PALLD: variants seen among roughly 807,000 people sequenced by gnomAD.
The protein encoded by PALLD is palladin.
In PALLD, 61 loss-of-function variants were observed where a neutral mutation model predicts 123.5. The ratio of observed to expected loss-of-function variants is 0.49; its 90% CI spans 0.40 to 0.61. PALLD has a LOEUF of 0.61. Among genes scored for constraint, PALLD ranks in the 20% least tolerant of loss-of-function variants. The pLI, the probability that PALLD is intolerant of heterozygous loss-of-function variation, is 0.00. For synonymous variants in PALLD, 465 were observed against 496.4 expected, an observed-to-expected ratio of 0.94 and a Z score of 0.84; for missense variants, 1,273 against 1,377.0, an observed-to-expected ratio of 0.92 and a Z score of 1.20.
At position 168,680,659 on chromosome 4, in the gene PALLD, TAA is replaced by T. The variant is rs1254058023; in HGVS notation, c.1088-672_1088-671del. On this transcript the variant is annotated intron_variant, in intron 3 of 21. Transcript: ENST00000505667. ...GCATGTATTATTATATAAAAGAATATAAGTGACCCAAGTTAAATGTATCTTGG... is the reference window on the plus strand; with the variant it reads ...GCATGTATTATTATATAAAAGAATATGTGACCCAAGTTAAATGTATCTTGG... Among the ~76,000 whole-genome samples, 4 of 152,260 alleles carry T rather than the reference TAA, an allele frequency of 2.6e-5. No homozygotes were observed. The East Asian group carries it at 7.7e-4, about 29-fold the overall frequency.
intron 2 of PALLD, among the ~76,000 whole-genome samples, chr4:168,580,443 C>T (rs1580410487): frequency 2.6e-5 from 4 of 151,918 alleles, no homozygotes; most frequent in Admixed American, 2.0e-4. Flanking sequence ...TCACACCAGT[C>T]AGAATGGCTA....
chr4:168,498,576 G>A lies in PALLD; in HGVS notation c.-83+1382G>A, dbSNP rs1031404025. 1.3e-5 allele frequency among the ~76,000 whole-genome samples: 2 copies of A among 152,200 alleles called. 1 individual carries two copies. The highest frequency in any genetic ancestry group is 1.3e-4 in the Admixed American group (2 of 15,282). ...TCCACTTCTTAAACAATATGTGTGTGGAGGCTGTCAAAGGGTATTGCAATT... is the reference window on the plus strand; with the variant it reads ...TCCACTTCTTAAACAATATGTGTGTAGAGGCTGTCAAAGGGTATTGCAATT... On this transcript the variant is annotated intron_variant, in intron 1 of 21. Coordinates refer to ENST00000505667, the MANE Select transcript of PALLD (RefSeq NM_001166108.2).
Position 168,690,810 on chromosome 4 carries a change from G to C in PALLD, c.1477+66G>C. On this transcript the variant is annotated intron_variant, in intron 7 of 21. Transcript: ENST00000505667. ...TTCTCTCCAGCTTCAAGAAAACCAA[G>C]AAGGGCTAAGTCATTAAGATGAATT... 2.0e-6 allele frequency: 3 copies of C among 1,476,026 alleles called. No individual in the cohort carries two copies. In the Admixed American group the frequency reaches 5.0e-5, roughly 25 times the overall value. 91.4% of individuals were successfully genotyped at this position (1,476,026 alleles called of 1,614,324 possible). A position where few individuals can be genotyped will look rare whatever the true frequency, so the allele number is the denominator to read the frequency against.
intron 10 of PALLD, among the ~76,000 whole-genome samples, chr4:168,796,486 G>A (rs1738521550): frequency 6.6e-6 from 1 of 152,212 alleles, no homozygotes; most frequent in Admixed American, 6.5e-5. Context: ...ACGATTGGCA[G>A]TTATTAAGGT....
chr4:168,620,953 C>T (rs1774708399), intron 2 of PALLD, among the ~76,000 whole-genome samples: 1 of 152,164 alleles, frequency 6.6e-6, no homozygotes, highest in African/African-American at 2.4e-5. Flanking sequence ...CATCAAATAG[C>T]TGAGAACACT....
chr4:168,774,095 A>AAT (rs1554080597), intron 10 of PALLD, among the ~76,000 whole-genome samples: 15 of 150,132 alleles, frequency 1.0e-4, no homozygotes, highest in African/African-American at 1.5e-4. Context: ...GATTAAAAAA[A>AAT]ATATATATAT....
chr4:168,809,982 A>G (rs1271186385), intron 10 of PALLD, among the ~76,000 whole-genome samples: 1 of 152,130 alleles, frequency 6.6e-6, no homozygotes, highest in Non-Finnish European at 1.5e-5. Context: ...TGTGGGGGCA[A>G]GGAGTGGAGG....
Position 168,927,513 on chromosome 4 carries a change from T to C in PALLD, c.*1333T>C, listed in dbSNP as rs970232517. On this transcript the variant is annotated 3_prime_UTR_variant, in exon 22 of 22. Coordinates refer to ENST00000505667, the MANE Select transcript of PALLD (RefSeq NM_001166108.2). ...GATTGAGACTGCATGGTGGCATAAA[T>C]GAGAAATTGCCTGTAGCATCTAGTC... 4.3e-6 allele frequency: 1 copy of C among 232,040 alleles called. No individual in the cohort carries two copies. Among genetic ancestry groups the C allele is most frequent in the East Asian group, 6.1e-5 (1 of 16,466 alleles). 14.4% of individuals were successfully genotyped at this position (232,040 alleles called of 1,614,324 possible).
intron 17 of PALLD, among the ~76,000 whole-genome samples, chr4:168,916,423 A>T (rs1760096288): frequency 6.6e-6 from 1 of 152,096 alleles, no homozygotes; most frequent in South Asian, 2.1e-4. Context: ...AAATGAAATG[A>T]TTCTAGCTTA....
chr4:168,852,775 T>C (rs1007509014), intron 10 of PALLD, among the ~76,000 whole-genome samples: 2 of 152,238 alleles, frequency 1.3e-5, no homozygotes, highest in Non-Finnish European at 2.9e-5. Context: ...TTCTGCTTTG[T>C]GGGCTTTTAG....
intron 10 of PALLD, among the ~76,000 whole-genome samples, chr4:168,755,177 G>A (rs934128464): frequency 2.0e-5 from 3 of 150,118 alleles, no homozygotes; most frequent in African/African-American, 7.4e-5. Flanking sequence ...AGCTTGCGGT[G>A]AGCCGAGATT....
At position 168,922,098 on chromosome 4, in the gene PALLD, TATATACACACACACAC is replaced by T. The variant is rs1160921639; in HGVS notation, c.3058+359_3058+374del. Among the ~76,000 whole-genome samples, 487 of 107,640 alleles carry T rather than the reference TATATACACACACACAC, an allele frequency of 4.5e-3. 2 individuals are homozygous for T. The highest frequency in any genetic ancestry group is 0.015 in the African/African-American group (465 of 31,970). The allele number at this position is 107,640 out of a possible 152,430, so 70.6% of individuals were successfully genotyped here. A position where few individuals can be genotyped will look rare whatever the true frequency, so the allele number is the denominator to read the frequency against. ...AAAGTTTTATATTTATATATATATA[TATATACACACACACAC>T]ACACACACACACACACACACACACA... On this transcript the variant is annotated intron_variant, in intron 18 of 21. Coordinates refer to ENST00000505667, the MANE Select transcript of PALLD (RefSeq NM_001166108.2).
At chr4:168,555,762 A>G (rs1334823562) in intron 2 of PALLD, among the ~76,000 whole-genome samples, 1 of 152,194 alleles carries the variant, frequency 6.6e-6, no homozygotes, top group African/African-American at 2.4e-5. Flanking sequence ...CAGTTGATTT[A>G]ATCCCTCATT....
intron 10 of PALLD, among the ~76,000 whole-genome samples, chr4:168,886,901 G>A (rs1001606633): frequency 3.3e-5 from 5 of 151,604 alleles, no homozygotes; most frequent in South Asian, 2.1e-4. Flanking sequence ...GGCGGATCAC[G>A]AGGTCAGGAG....
chr4:168,744,296 A>G (rs1030467148), intron 10 of PALLD, among the ~76,000 whole-genome samples: 14 of 152,114 alleles, frequency 9.2e-5, no homozygotes, highest in African/African-American at 2.9e-4. Context: ...TTCTGTTTGT[A>G]TTGAGTCAGC....
rs1288124986 is a variant in PALLD, at chr4:168,715,674, G to T, written c.1964+3751G>T. Among the ~76,000 whole-genome samples the T allele has an allele frequency of 3.3e-5, 5 of 152,294 alleles. No individual in the cohort carries two copies. In the East Asian group the frequency reaches 9.7e-4, roughly 29 times the overall value. On this transcript the variant is annotated intron_variant, in intron 10 of 21. Transcript: ENST00000505667. ...ACCAAAAAAACGGTCCTTCAGCCAG[G>T]GCGCGGTGGCTCACCCCTGTAATCC... is the stretch of plus-strand genomic sequence containing the variant.
chr4:168,662,674 A>G lies in PALLD; in HGVS notation c.909-5516A>G, dbSNP rs80178462. Among the ~76,000 whole-genome samples the G allele has an allele frequency of 3.6e-3, 545 of 152,370 alleles. 3 individuals carry two copies. The highest frequency in any genetic ancestry group is 0.013 in the African/African-American group (532 of 41,586). ...AGCAACAAGAATTTAATGTGAGAGA[A>G]ATTTCAAGAGGTCAAAATTTAACCA... On this transcript the variant is annotated intron_variant, in intron 2 of 21. Transcript: ENST00000505667.
intron 10 of PALLD, among the ~76,000 whole-genome samples, chr4:168,770,055 G>C (rs1385940458): frequency 1.3e-5 from 2 of 152,144 alleles, no homozygotes; most frequent in Non-Finnish European, 2.9e-5. Context: ...AGAGGCTGAG[G>C]GAAAGGAAGA....
At chr4:168,635,404 C>T (rs1483188133) in intron 2 of PALLD, among the ~76,000 whole-genome samples, 1 of 152,208 alleles carries the variant, frequency 6.6e-6, no homozygotes, top group Non-Finnish European at 1.5e-5. Context: ...TCTCCTGCCT[C>T]TCCTATGTGG....
Sources: allele counts gnomAD v4.1 joint callset (sites outside exome capture counted in the v4.1 genomes callset), GRCh38; gene constraint gnomAD v4.1.1; transcripts MANE v1.5; gene names NCBI Gene and HGNC (gene_info 2026-07-23, HGNC 2026-07-21).